The following ZBTB20 variants were observed in gnomAD, a reference collection of about 807,000 sequenced individuals.
The protein encoded by ZBTB20 is zinc finger and BTB domain containing 20, also known as zinc finger and BTB domain-containing protein 20.
A neutral mutation model predicts 56.9 loss-of-function variants in ZBTB20; 9 were observed. The ratio of observed to expected loss-of-function variants is 0.16; its 90% CI spans 0.10 to 0.28. The LOEUF (loss-of-function observed/expected upper bound fraction) is 0.28, where lower values mean the gene tolerates loss of function less well. ZBTB20 is among the 10% of genes least tolerant of loss of function. The probability of loss-of-function intolerance (pLI) is 1.00; values close to 1 mark genes in which losing one functional copy is unlikely to be tolerated. For synonymous variants in ZBTB20, 417 were observed against 420.7 expected, an observed-to-expected ratio of 0.99 and a Z score of 0.11; for missense variants, 655 against 1,003.0, an observed-to-expected ratio of 0.65 and a Z score of 4.69.
chr3:114,918,280 G>A (rs1322595830), intron 3 of ZBTB20, among the ~76,000 whole-genome samples: 6 of 151,972 alleles, frequency 3.9e-5, no homozygotes, highest in Admixed American at 3.3e-4. Context: ...CTAGCCTAGG[G>A]AAACTCCCCA....
intron 2 of ZBTB20, among the ~76,000 whole-genome samples, chr3:114,998,962 C>T (rs764139754): frequency 7.9e-6 from 1 of 127,284 alleles, no homozygotes; most frequent in East Asian, 2.5e-4. Flanking sequence ...ATGGTATCAT[C>T]GAAGTCAAGA....
At chr3:115,057,720 G>T (rs1406366180) in intron 2 of ZBTB20, among the ~76,000 whole-genome samples, 1 of 152,046 alleles carries the variant, frequency 6.6e-6, no homozygotes, top group African/African-American at 2.4e-5. Context: ...AACACATCTT[G>T]TAGTGCTTGT....
At chr3:114,494,070 T>C (rs1249254364) in intron 7 of ZBTB20, among the ~76,000 whole-genome samples, 3 of 152,234 alleles carry the variant, frequency 2.0e-5, no homozygotes, top group Admixed American at 6.5e-5. Context: ...AGGATTATAG[T>C]AGCATCTACT....
intron 2 of ZBTB20, among the ~76,000 whole-genome samples, chr3:114,997,937 T>C (rs2079092766): frequency 6.6e-6 from 1 of 151,720 alleles, no homozygotes; most frequent in African/African-American, 2.4e-5. Flanking sequence ...GGTAAATAAT[T>C]TGTTCAACAT....
intron 7 of ZBTB20, among the ~76,000 whole-genome samples, chr3:114,402,956 C>T (rs187678221): frequency 6.6e-6 from 1 of 152,196 alleles, no homozygotes; most frequent in Admixed American, 6.5e-5. Flanking sequence ...GTGTCTGGCA[C>T]CTAAGCAAGG....
chr3:114,667,444 C>T (rs1680295415), intron 6 of ZBTB20, among the ~76,000 whole-genome samples: 1 of 151,978 alleles, frequency 6.6e-6, no homozygotes. Flanking sequence ...AGAAATGGGT[C>T]CATACTATAC....
At chr3:114,371,742 A>T (rs528913659) in intron 10 of ZBTB20, among the ~76,000 whole-genome samples, 23 of 152,282 alleles carry the variant, frequency 1.5e-4, no homozygotes, top group Non-Finnish European at 3.1e-4. Flanking sequence ...TCTGTCATTC[A>T]TTATGCTGGG....
At chr3:114,597,114 T>G (rs991829590) in intron 6 of ZBTB20, among the ~76,000 whole-genome samples, 2 of 152,104 alleles carry the variant, frequency 1.3e-5, no homozygotes, top group African/African-American at 4.8e-5. Context: ...TCCATATGCA[T>G]AAAAGGTGAA....
At chr3:115,143,718 C>T (rs2084884390) in intron 1 of ZBTB20, among the ~76,000 whole-genome samples, 1 of 151,966 alleles carries the variant, frequency 6.6e-6, no homozygotes, top group South Asian at 2.1e-4. Flanking sequence ...ATTTCAAAGA[C>T]ATTATTAAAA....
intron 3 of ZBTB20, among the ~76,000 whole-genome samples, chr3:114,923,594 T>A (rs1006328525): frequency 6.6e-6 from 1 of 152,168 alleles, no homozygotes; most frequent in African/African-American, 2.4e-5. Flanking sequence ...AAGATTTAAA[T>A]TTTTAATTTA....
At chr3:115,009,992 G>T (rs567381422) in intron 2 of ZBTB20, among the ~76,000 whole-genome samples, 1 of 151,860 alleles carries the variant, frequency 6.6e-6, no homozygotes, top group African/African-American at 2.4e-5. Context: ...ACTAAGTGCC[G>T]ACTTATTCGA....
chr3:115,002,396 C>G (rs905211562), intron 2 of ZBTB20, among the ~76,000 whole-genome samples: 1 of 151,446 alleles, frequency 6.6e-6, no homozygotes, highest in South Asian at 2.1e-4. Flanking sequence ...ATTAAAACTT[C>G]CATATTTGTG....
At chr3:114,799,743 G>A (rs2071582021) in intron 5 of ZBTB20, among the ~76,000 whole-genome samples, 1 of 151,810 alleles carries the variant, frequency 6.6e-6, no homozygotes, top group African/African-American at 2.4e-5. Context: ...TACCAGCCAG[G>A]CACCATGCTC....
intron 5 of ZBTB20, among the ~76,000 whole-genome samples, chr3:114,800,002 C>T (rs914053032): frequency 9.9e-5 from 15 of 151,904 alleles, no homozygotes; most frequent in Admixed American, 7.2e-4. Flanking sequence ...CTTTAGTGTA[C>T]TCTGTTGACT....
chr3:115,010,782 T>A (rs1001407740), intron 2 of ZBTB20, among the ~76,000 whole-genome samples: 1 of 151,828 alleles, frequency 6.6e-6, no homozygotes, highest in African/African-American at 2.4e-5. Context: ...TGACATGACA[T>A]CCCCGTATGA....
intron 2 of ZBTB20, among the ~76,000 whole-genome samples, chr3:115,030,312 T>C (rs184230794): frequency 6.3e-4 from 96 of 151,236 alleles, no homozygotes; most frequent in Non-Finnish European, 9.7e-4. Context: ...GAAGTCTTCT[T>C]TGAATTATCA....
At chr3:114,765,831 C>T (rs1578769945) in intron 5 of ZBTB20, among the ~76,000 whole-genome samples, 1 of 152,068 alleles carries the variant, frequency 6.6e-6, no homozygotes, top group South Asian at 2.1e-4. Flanking sequence ...GATTTCTTTA[C>T]ATGGAACATA....
chr3:114,795,314 T>C (rs770580503), intron 5 of ZBTB20, among the ~76,000 whole-genome samples: 4 of 152,206 alleles, frequency 2.6e-5, no homozygotes, highest in Non-Finnish European at 5.9e-5. Flanking sequence ...CTTCAATTGG[T>C]ATTTTTGTGT....
chr3:115,080,283 A>G (rs1448317778), intron 1 of ZBTB20, among the ~76,000 whole-genome samples: 3 of 152,314 alleles, frequency 2.0e-5, no homozygotes, highest in South Asian at 4.1e-4. Flanking sequence ...AGCCTCCAGA[A>G]CTGTGAGGTT....
Sources: gnomAD v4.1 joint callset for allele counts (sites outside exome capture counted in the v4.1 genomes callset) on GRCh38, gnomAD v4.1.1 for gene constraint, MANE v1.5 for transcripts, NCBI Gene and HGNC (gene_info 2026-07-23, HGNC 2026-07-21) for gene names.